ACOXL: variants seen among roughly 807,000 people sequenced by gnomAD.
ACOXL encodes the protein acyl-CoA oxidase like.
In ACOXL, 70 loss-of-function variants were observed where a neutral mutation model predicts 71.9. That is an observed-to-expected ratio of 0.97 (90% CI 0.80 to 1.19). The LOEUF (loss-of-function observed/expected upper bound fraction) is 1.19, where lower values mean the gene tolerates loss of function less well. Ranked by LOEUF, ACOXL falls within the 50% of genes most tolerant of loss-of-function variation. The probability of loss-of-function intolerance (pLI) is 0.00; values close to 1 mark genes in which losing one functional copy is unlikely to be tolerated. For missense variants in ACOXL, 703 were observed against 736.3 expected, an observed-to-expected ratio of 0.95 and a Z score of 0.52; for synonymous variants, 253 against 281.6, an observed-to-expected ratio of 0.90 and a Z score of 1.02.
chr2:110,801,215 C>T (rs532754603), intron 7 of ACOXL, among the ~76,000 whole-genome samples: 20 of 152,196 alleles, frequency 1.3e-4, no homozygotes, highest in Non-Finnish European at 2.5e-4. Flanking sequence ...GCCCTGTGTG[C>T]AGACGAGAGA....
At chr2:110,830,765 C>G (rs576181100) in intron 9 of ACOXL, among the ~76,000 whole-genome samples, 2 of 152,068 alleles carry the variant, frequency 1.3e-5, no homozygotes, top group African/African-American at 4.8e-5. Context: ...AATTTCCTGA[C>G]CTTGTGATCC....
chr2:111,094,652 A>G (rs1367552353), intron 17 of ACOXL, among the ~76,000 whole-genome samples: 1 of 152,110 alleles, frequency 6.6e-6, no homozygotes, highest in African/African-American at 2.4e-5. Flanking sequence ...TAAAAGTCAT[A>G]CCTCTCATCA....
chr2:110,749,392 C>T (rs1678636508), intron 1 of ACOXL, among the ~76,000 whole-genome samples: 1 of 152,296 alleles, frequency 6.6e-6, no homozygotes, highest in African/African-American at 2.4e-5. Context: ...CTGTTGTTAA[C>T]ATCTTACACA....
intron 14 of ACOXL, among the ~76,000 whole-genome samples, chr2:111,005,894 G>C (rs1032544495): frequency 1.3e-5 from 2 of 152,156 alleles, no homozygotes; most frequent in African/African-American, 4.8e-5. Flanking sequence ...TGGTCGGTTT[G>C]TACTGCTCTG....
intron 11 of ACOXL, among the ~76,000 whole-genome samples, chr2:110,911,010 AT>A (rs1232568157): frequency 6.6e-6 from 1 of 152,140 alleles, no homozygotes; most frequent in African/African-American, 2.4e-5. Flanking sequence ...AGACATTGCT[AT>A]AACTGTAACT....
chr2:111,090,888 C>G (rs964660485), intron 16 of ACOXL, among the ~76,000 whole-genome samples: 2 of 149,402 alleles, frequency 1.3e-5, no homozygotes, highest in African/African-American at 4.9e-5. Flanking sequence ...AGTTGACCTA[C>G]ATTGCCTGCA....
intron 11 of ACOXL, among the ~76,000 whole-genome samples, chr2:110,929,538 A>G (rs2060404524): frequency 6.6e-6 from 1 of 152,248 alleles, no homozygotes; most frequent in East Asian, 1.9e-4. Flanking sequence ...TCTGAGGAGA[A>G]ATTCAAGCCT....
intron 14 of ACOXL, among the ~76,000 whole-genome samples, chr2:111,000,299 G>A (rs948060461): frequency 1.3e-5 from 2 of 152,154 alleles, no homozygotes; most frequent in African/African-American, 2.4e-5. Flanking sequence ...AATCAATGAA[G>A]TGATCTAGCA....
chr2:110,853,913 G>GTTTT (rs35717647), intron 10 of ACOXL, among the ~76,000 whole-genome samples: 1 of 142,256 alleles, frequency 7.0e-6, no homozygotes, highest in Non-Finnish European at 1.5e-5. Flanking sequence ...TAGGACACTT[G>GTTTT]TTTTTTTTTT....
intron 16 of ACOXL, among the ~76,000 whole-genome samples, chr2:111,084,541 TA>T (rs2068104160): frequency 6.6e-6 from 1 of 152,198 alleles, no homozygotes; most frequent in Non-Finnish European, 1.5e-5. Flanking sequence ...ACTTATCTCC[TA>T]TTATGTTCCC....
At chr2:110,827,288 G>A (rs1689275521) in intron 9 of ACOXL, among the ~76,000 whole-genome samples, 5 of 152,174 alleles carry the variant, frequency 3.3e-5, no homozygotes, top group Admixed American at 3.3e-4. Flanking sequence ...AGCCAGGGTG[G>A]GGCATGGGCT....
At chr2:110,748,803 G>T (rs1678563382) in intron 1 of ACOXL, among the ~76,000 whole-genome samples, 1 of 152,154 alleles carries the variant, frequency 6.6e-6, no homozygotes, top group Admixed American at 6.5e-5. Context: ...TGTTCTTCAT[G>T]CCCACCTGTC....
At chr2:110,859,453 A>G (rs967515743) in intron 10 of ACOXL, among the ~76,000 whole-genome samples, 3 of 152,210 alleles carry the variant, frequency 2.0e-5, no homozygotes, top group Admixed American at 6.5e-5. Context: ...GCAAAAGAAA[A>G]CACAGACAAT....
intron 14 of ACOXL, among the ~76,000 whole-genome samples, chr2:111,011,270 A>G (rs925726746): frequency 6.6e-5 from 10 of 152,190 alleles, no homozygotes; most frequent in Non-Finnish European, 1.3e-4. Context: ...AGATTGTAAT[A>G]TAGGAGGTAG....
chr2:111,103,991 C>T (rs2069355328), intron 17 of ACOXL, among the ~76,000 whole-genome samples: 1 of 152,170 alleles, frequency 6.6e-6, no homozygotes, highest in Non-Finnish European at 1.5e-5. Context: ...CTTCCTTTAC[C>T]CTCTCTTTAA....
At chr2:110,801,052 A>C (rs1482690174) in intron 7 of ACOXL, among the ~76,000 whole-genome samples, 2 of 152,214 alleles carry the variant, frequency 1.3e-5, no homozygotes, top group African/African-American at 4.8e-5. Context: ...AAGTTTTCAC[A>C]AAGAGAAGAC....
chr2:110,769,146 T>C (rs1056004816), intron 2 of ACOXL, among the ~76,000 whole-genome samples: 1 of 152,064 alleles, frequency 6.6e-6, no homozygotes, highest in African/African-American at 2.4e-5. Flanking sequence ...TTTAGACTTA[T>C]CCAAAGTTTA....
At chr2:111,044,597 T>A (rs983152758) in intron 15 of ACOXL, among the ~76,000 whole-genome samples, 3 of 152,228 alleles carry the variant, frequency 2.0e-5, no homozygotes, top group African/African-American at 7.2e-5. Flanking sequence ...GCTAACTTAG[T>A]GACAGGTGCC....
intron 14 of ACOXL, among the ~76,000 whole-genome samples, chr2:111,012,840 T>C (rs1360646606): frequency 6.6e-6 from 1 of 152,104 alleles, no homozygotes; most frequent in Non-Finnish European, 1.5e-5. Flanking sequence ...AATGCTTATC[T>C]TAGAAAATAT....
Sources: allele counts gnomAD v4.1 joint callset (sites outside exome capture counted in the v4.1 genomes callset), GRCh38; gene constraint gnomAD v4.1.1; transcripts MANE v1.5; gene names NCBI Gene and HGNC (gene_info 2026-07-23, HGNC 2026-07-21).